LINC00632: variants seen among roughly 807,000 people sequenced by gnomAD.
LINC00632 encodes ALDOA related specific transcript.
At chrX:140,727,360 C>T (rs1309386718) in intron 2 of LINC00632, among the ~76,000 whole-genome samples, 3 of 112,030 alleles carry the variant, frequency 2.7e-5, no homozygotes, top group East Asian at 2.8e-4. Flanking sequence ...GGCGTGATCT[C>T]GGCTCACTGC....
intron 3 of LINC00632, among the ~76,000 whole-genome samples, chrX:140,748,868 A>C (rs934243156): frequency 8.6e-5 from 3 of 34,950 alleles, no homozygotes; most frequent in Admixed American, 4.3e-4. Context: ...ATATATATAA[A>C]ATGTATATAA....
intron 3 of LINC00632, among the ~76,000 whole-genome samples, chrX:140,758,895 A>G (rs1437975428): frequency 9.1e-6 from 1 of 109,909 alleles, no homozygotes; most frequent in Non-Finnish European, 1.9e-5. Context: ...AACTCACCTC[A>G]GCCTAGATGG....
At chrX:140,774,477 G>A (rs1304967912) in exon 5 of LINC00632, among the ~76,000 whole-genome samples, 2 of 111,542 alleles carry the variant, frequency 1.8e-5, no homozygotes, top group Admixed American at 9.6e-5. Flanking sequence ...TAGAAACGCC[G>A]CACACAGATA....
In LINC00632 at chrX:140,759,281, TTTCTTTCTTTCCTTCCTTCC is replaced by T. The variant is rs1479045853; in HGVS notation, n.192-12793_192-12774del. On this transcript the variant is annotated intron_variant and non_coding_transcript_variant, in intron 3 of 4. Coordinates refer to ENST00000648200, the Ensembl canonical transcript of LINC00632. ...GAGCCATCACCCCAGGCCTCTTTTC[TTTCTTTCTTTCCTTCCTTCC>T]TTCCTTCCTTCCTTCCTTCCTTCCT... 5.3e-5 allele frequency among the ~76,000 whole-genome samples: 5 copies of T among 93,550 alleles called. 1 individual carries two copies. Among genetic ancestry groups the T allele is most frequent in the African/African-American group, 2.1e-4 (5 of 23,265 alleles). 81.2% of individuals were successfully genotyped at this position (93,550 alleles called of 115,157 possible).
intron 3 of LINC00632, among the ~76,000 whole-genome samples, chrX:140,744,574 G>T (rs1366464429): frequency 1.0e-4 from 4 of 39,305 alleles, no homozygotes; most frequent in Non-Finnish European, 1.4e-4. Flanking sequence ...TTTTGGGGGG[G>T]GGGGTGGGGG....
intron 3 of LINC00632, among the ~76,000 whole-genome samples, chrX:140,761,310 T>C (rs1931590993): frequency 8.9e-6 from 1 of 112,457 alleles, no homozygotes; most frequent in Non-Finnish European, 1.9e-5. Context: ...TACTTGGTCA[T>C]CACTAAGCAC....
chrX:140,750,182 A>C (rs2148392669), intron 3 of LINC00632, among the ~76,000 whole-genome samples: 1 of 110,919 alleles, frequency 9.0e-6, no homozygotes, highest in East Asian at 2.9e-4. Flanking sequence ...GAAGATAAAT[A>C]CTGTTTTGTC....
At chrX:140,773,870 C>T (rs1235906396) in exon 4 of LINC00632, among the ~76,000 whole-genome samples, 1 of 112,049 alleles carries the variant, frequency 8.9e-6, no homozygotes, top group Non-Finnish European at 1.9e-5. Flanking sequence ...GACACCAGAA[C>T]TTTACCATGA....
intron 3 of LINC00632, among the ~76,000 whole-genome samples, chrX:140,754,163 T>G (rs1931457198): frequency 9.0e-6 from 1 of 111,573 alleles, no homozygotes; most frequent in African/African-American, 3.3e-5. Flanking sequence ...CTCCCAAGGT[T>G]GAAACCATCC....
At chrX:140,734,124 C>A (rs149717610) in intron 3 of LINC00632, among the ~76,000 whole-genome samples, 1,520 of 111,840 alleles carry the variant, frequency 0.014, 23 homozygotes, top group African/African-American at 0.046. Context: ...AAAAAGAAAT[C>A]TTTCTCTCTA....
chrX:140,723,825 A>G (rs1395689547), intron 2 of LINC00632, among the ~76,000 whole-genome samples: 1 of 32,936 alleles, frequency 3.0e-5, no homozygotes, highest in African/African-American at 1.3e-4. Context: ...CACACATTCC[A>G]TGCACACACA....
intron 2 of LINC00632, among the ~76,000 whole-genome samples, chrX:140,726,096 C>T (rs754183870): frequency 3.7e-5 from 4 of 108,116 alleles, no homozygotes; most frequent in Non-Finnish European, 7.6e-5. Context: ...CAACACTTGT[C>T]TCACATAACA....
At chrX:140,777,884 T>C (rs1239668146) in exon 5 of LINC00632, among the ~76,000 whole-genome samples, 2 of 112,210 alleles carry the variant, frequency 1.8e-5, no homozygotes, top group Non-Finnish European at 3.8e-5. Flanking sequence ...AACTTTTTCA[T>C]AGAGACCAAA....
chrX:140,745,938 C>T (rs1255992926), intron 3 of LINC00632, among the ~76,000 whole-genome samples: 2 of 111,726 alleles, frequency 1.8e-5, no homozygotes, highest in Non-Finnish European at 3.8e-5. Context: ...CTTGAAACTG[C>T]CTTTCTCTCT....
chrX:140,788,534 G>T (rs775168562), exon 5 of LINC00632, among the ~76,000 whole-genome samples: 77 of 108,571 alleles, frequency 7.1e-4, no homozygotes, highest in African/African-American at 2.4e-3. Flanking sequence ...TTTTGAACAT[G>T]TGTTATTTTC....
exon 5 of LINC00632, chrX:140,784,769 A>G (rs1931992233): frequency 1.2e-5 from 2 of 170,115 alleles, no homozygotes; most frequent in Admixed American, 7.1e-5. Flanking sequence ...ATCACTCTAC[A>G]GAAAAATCTT....
exon 5 of LINC00632, among the ~76,000 whole-genome samples, chrX:140,778,777 A>G (rs1931903536): frequency 8.9e-6 from 1 of 111,967 alleles, no homozygotes; most frequent in African/African-American, 3.2e-5. Flanking sequence ...AAAATGAGAA[A>G]TTGACTATTA....
chrX:140,723,049 A>AAAAAG (rs1282142795), intron 2 of LINC00632, among the ~76,000 whole-genome samples: 1 of 109,967 alleles, frequency 9.1e-6, no homozygotes, highest in East Asian at 2.8e-4. Flanking sequence ...TCAAAAAAAA[A>AAAAAG]AAAAGAAAAG....
intron 3 of LINC00632, among the ~76,000 whole-genome samples, chrX:140,756,575 G>C (rs1239471506): frequency 8.9e-6 from 1 of 111,898 alleles, no homozygotes; most frequent in African/African-American, 3.2e-5. Flanking sequence ...CCAGAGTAAG[G>C]AGGCTGGATG....
Sources: gnomAD v4.1 joint callset for allele counts (sites outside exome capture counted in the v4.1 genomes callset) on GRCh38, gnomAD v4.1.1 for gene constraint, MANE v1.5 for transcripts, NCBI Gene and HGNC (gene_info 2026-07-23, HGNC 2026-07-21) for gene names.